The following ARHGAP24 variants were observed in gnomAD, a reference collection of about 807,000 sequenced individuals.
ARHGAP24 encodes Rho GTPase activating protein 24.
ARHGAP24 carries 50 observed loss-of-function variants against 76.4 expected under a neutral mutation model. The ratio of observed to expected loss-of-function variants is 0.65; its 90% CI spans 0.52 to 0.83. ARHGAP24 has a LOEUF of 0.83. Among genes scored for constraint, ARHGAP24 ranks in the 40% least tolerant of loss-of-function variants. ARHGAP24 has a pLI of 0.00. For synonymous variants in ARHGAP24, 345 were observed against 323.3 expected, an observed-to-expected ratio of 1.07 and a Z score of -0.72; for missense variants, 930 against 914.2, an observed-to-expected ratio of 1.02 and a Z score of -0.22.
At chr4:85,967,514 G>C (rs890579353) in intron 5 of ARHGAP24, among the ~76,000 whole-genome samples, 1 of 152,056 alleles carries the variant, frequency 6.6e-6, no homozygotes, top group African/African-American at 2.4e-5. Context: ...ATAACCAGGA[G>C]GAAACACGAT....
intron 2 of ARHGAP24, among the ~76,000 whole-genome samples, chr4:85,637,630 C>T (rs1415865572): frequency 1.3e-5 from 2 of 151,864 alleles, no homozygotes; most frequent in Admixed American, 6.6e-5. Context: ...CAAAAACTTT[C>T]TACAAAATAA....
intron 1 of ARHGAP24, among the ~76,000 whole-genome samples, chr4:85,495,101 A>C (rs1472283140): frequency 6.6e-6 from 1 of 151,482 alleles, no homozygotes; most frequent in Non-Finnish European, 1.5e-5. Context: ...TCTCAAAAAA[A>C]AAAAAAAAAA....
At chr4:85,541,148 T>C (rs1225756673) in intron 1 of ARHGAP24, among the ~76,000 whole-genome samples, 19 of 100,836 alleles carry the variant, frequency 1.9e-4, no homozygotes, top group African/African-American at 9.3e-4. Context: ...TGACCTTTTT[T>C]TTTTTTTTTT....
intron 2 of ARHGAP24, among the ~76,000 whole-genome samples, chr4:85,581,551 T>TA (rs1411062515): frequency 7.9e-5 from 12 of 152,166 alleles, no homozygotes; most frequent in Admixed American, 7.9e-4. Context: ...GTAAATGCTG[T>TA]AGTACTGGCC....
At chr4:85,765,375 A>G (rs1226037779) in intron 3 of ARHGAP24, among the ~76,000 whole-genome samples, 1 of 152,106 alleles carries the variant, frequency 6.6e-6, no homozygotes. Flanking sequence ...TGTAGGTGTG[A>G]TCTATGGATT....
chr4:85,971,242 A>G (rs967380203), intron 5 of ARHGAP24, among the ~76,000 whole-genome samples: 4 of 152,212 alleles, frequency 2.6e-5, no homozygotes, highest in Admixed American at 2.6e-4. Context: ...CTTCTCAAAA[A>G]TGAGTCCAAC....
intron 3 of ARHGAP24, among the ~76,000 whole-genome samples, chr4:85,850,610 A>C (rs898800300): frequency 9.9e-5 from 15 of 152,118 alleles, no homozygotes; most frequent in African/African-American, 3.6e-4. Context: ...CCCTATACAC[A>C]CTGCTTTAAA....
intron 8 of ARHGAP24, chr4:85,989,886 C>T (rs1740223294): frequency 6.6e-6 from 1 of 151,688 alleles, no homozygotes; most frequent in South Asian, 2.1e-4. Flanking sequence ...AGACCAAATG[C>T]TTTGCCTCTA....
intron 3 of ARHGAP24, among the ~76,000 whole-genome samples, chr4:85,811,501 G>A (rs1578251297): frequency 2.0e-5 from 3 of 152,182 alleles, no homozygotes; most frequent in African/African-American, 4.8e-5. Flanking sequence ...CTCCACTGCC[G>A]CTTACATTCA....
intron 3 of ARHGAP24, among the ~76,000 whole-genome samples, chr4:85,726,464 G>A (rs1162866072): frequency 6.6e-6 from 1 of 152,144 alleles, no homozygotes; most frequent in Admixed American, 6.6e-5. Context: ...AGTCTTAGCT[G>A]ATCCAGTGGG....
At chr4:85,976,307 A>G (rs960233624) in intron 7 of ARHGAP24, among the ~76,000 whole-genome samples, 1 of 152,190 alleles carries the variant, frequency 6.6e-6, no homozygotes, top group Non-Finnish European at 1.5e-5. Flanking sequence ...TTTAAAAGTC[A>G]TGATATAGTA....
At chr4:85,866,897 A>G (rs1024236836) in intron 3 of ARHGAP24, among the ~76,000 whole-genome samples, 2 of 152,120 alleles carry the variant, frequency 1.3e-5, no homozygotes, top group Admixed American at 1.3e-4. Flanking sequence ...TTATAGTGAC[A>G]AACCCTGGTG....
In ARHGAP24 at chr4:85,567,454, A is replaced by G. The variant is rs529755117; in HGVS notation, c.-20-3068A>G. 2.0e-5 allele frequency among the ~76,000 whole-genome samples: 3 copies of G among 152,312 alleles called. No homozygotes were observed. The South Asian group carries it at 6.2e-4, about 32-fold the overall frequency. Reference sequence around the variant, plus strand: ...GTGAGGAAGAGTTATGAATCAAATGATCAGTTTTCTGTATATTTTTCTTTG... The same window carrying G: ...GTGAGGAAGAGTTATGAATCAAATGGTCAGTTTTCTGTATATTTTTCTTTG... On this transcript the variant is annotated intron_variant, in intron 1 of 9. Coordinates refer to ENST00000395184, the MANE Select transcript of ARHGAP24 (RefSeq NM_001025616.3).
chr4:85,879,616 T>C (rs1733123823), intron 3 of ARHGAP24, among the ~76,000 whole-genome samples: 1 of 152,070 alleles, frequency 6.6e-6, no homozygotes, highest in Admixed American at 6.6e-5. Flanking sequence ...ACAGCAAGTT[T>C]ATGCACTAGT....
Position 85,995,183 on chromosome 4 carries a change from C to A in ARHGAP24, c.1529C>A (p.Thr510Asn). 1 of 1,614,000 alleles carries A rather than the reference C, an allele frequency of 6.2e-7. No homozygotes were observed. Among genetic ancestry groups the A allele is most frequent in the Non-Finnish European group, 8.5e-7 (1 of 1,180,004 alleles). Residue 510 changes from threonine (T) to asparagine (N), a missense_variant, in exon 9 of 10, where the codon ACC (threonine) becomes AAC (asparagine). Physicochemically the swap from Thr to Asn is moderately conservative, Grantham distance 65. Transcript: ENST00000395184. ...AGCTGGCTGCCAAATGGCTATGTGA[C>A]CCTGAGGGATAACAAGCAGAAAGAA... ...NMSWLPNGYV[T>N]LRDNKQKEQA...
chr4:85,614,532 G>A (rs1296650333), intron 2 of ARHGAP24, among the ~76,000 whole-genome samples: 2 of 151,976 alleles, frequency 1.3e-5, no homozygotes, highest in African/African-American at 4.8e-5. Context: ...TACATTTGTT[G>A]ACTCTTAAAA....
chr4:85,944,596 G>A (rs1464188534), intron 5 of ARHGAP24, among the ~76,000 whole-genome samples: 2 of 152,038 alleles, frequency 1.3e-5, no homozygotes, highest in Non-Finnish European at 2.9e-5. Context: ...GTCAAATTTG[G>A]GTTTTGTTGC....
intron 2 of ARHGAP24, among the ~76,000 whole-genome samples, chr4:85,623,843 C>T (rs1053244911): frequency 1.3e-4 from 19 of 147,840 alleles, no homozygotes; most frequent in African/African-American, 4.0e-4. Context: ...ATTTTATTCT[C>T]TTTGAAGCAA....
At chr4:85,551,653 CCTGG>C (rs1726145849) in intron 1 of ARHGAP24, among the ~76,000 whole-genome samples, 1 of 151,774 alleles carries the variant, frequency 6.6e-6, no homozygotes, top group Non-Finnish European at 1.5e-5. Flanking sequence ...TGGCTGTGGT[CCTGG>C]CTCTTTCTTA....
Sources: allele counts gnomAD v4.1 joint callset (sites outside exome capture counted in the v4.1 genomes callset), GRCh38; gene constraint gnomAD v4.1.1; transcripts MANE v1.5; gene names NCBI Gene and HGNC (gene_info 2026-07-23, HGNC 2026-07-21).